PPFIBP1: variants seen among roughly 807,000 people sequenced by gnomAD.
The protein encoded by PPFIBP1 is liprin-beta-1.
Under a neutral mutation model 137.8 loss-of-function variants are expected in PPFIBP1, and 112 were observed. That is an observed-to-expected ratio of 0.81 (90% CI 0.70 to 0.95). The LOEUF (loss-of-function observed/expected upper bound fraction) is 0.95, where lower values mean the gene tolerates loss of function less well. Among genes scored for constraint, PPFIBP1 ranks in the 40% least tolerant of loss-of-function variants. The probability of loss-of-function intolerance (pLI) is 0.00; values close to 1 mark genes in which losing one functional copy is unlikely to be tolerated. For missense variants in PPFIBP1, 1,083 were observed against 1,196.6 expected (o/e 0.91, Z 1.40); for synonymous variants, 378 against 417.3 (o/e 0.91, Z 1.15).
chr12:27,603,833 G>T (rs1453711827), intron 2 of PPFIBP1, among the ~76,000 whole-genome samples: 1 of 152,164 alleles, frequency 6.6e-6, no homozygotes, highest in Non-Finnish European at 1.5e-5. Context: ...AGAGCCAACA[G>T]TTGTTCTTCT....
intron 7 of PPFIBP1, among the ~76,000 whole-genome samples, chr12:27,651,011 G>C (rs2058843559): frequency 6.6e-6 from 1 of 152,116 alleles, no homozygotes. Context: ...GGAGAGAGGA[G>C]AGAAAATGGT....
chr12:27,619,957 A>G (rs1191773739), intron 2 of PPFIBP1, among the ~76,000 whole-genome samples: 1 of 151,784 alleles, frequency 6.6e-6, no homozygotes, highest in Non-Finnish European at 1.5e-5. Flanking sequence ...ACATACATAC[A>G]TTTTATATAT....
At chr12:27,640,973 C>G (rs1281600925) in intron 4 of PPFIBP1, among the ~76,000 whole-genome samples, 1 of 152,186 alleles carries the variant, frequency 6.6e-6, no homozygotes, top group Non-Finnish European at 1.5e-5. Flanking sequence ...ATTTCATGGA[C>G]TGAGCCTTAC....
At chr12:27,655,983 C>T (rs2059172708) in intron 8 of PPFIBP1, among the ~76,000 whole-genome samples, 1 of 152,180 alleles carries the variant, frequency 6.6e-6, no homozygotes, top group Admixed American at 6.5e-5. Flanking sequence ...GACTTGAAAT[C>T]TTATACACAG....
intron 1 of PPFIBP1, among the ~76,000 whole-genome samples, chr12:27,530,145 C>T (rs898303017): frequency 6.6e-6 from 1 of 152,154 alleles, no homozygotes; most frequent in Admixed American, 6.5e-5. Flanking sequence ...CCTTTGCAAC[C>T]GTTATCTTTT....
chr12:27,635,940 G>A (rs970096602), intron 4 of PPFIBP1: 26 of 152,310 alleles, frequency 1.7e-4, no homozygotes, highest in African/African-American at 5.5e-4. Flanking sequence ...GAGATATTTT[G>A]TGCTTAAAGG....
intron 1 of PPFIBP1, among the ~76,000 whole-genome samples, chr12:27,546,327 G>C (rs778783172): frequency 1.3e-5 from 2 of 152,196 alleles, no homozygotes; most frequent in Admixed American, 6.5e-5. Flanking sequence ...CCCTCACTGG[G>C]AGGGCTTTAA....
intron 1 of PPFIBP1, among the ~76,000 whole-genome samples, chr12:27,562,914 A>G (rs749182261): frequency 4.6e-5 from 7 of 152,142 alleles, no homozygotes; most frequent in Non-Finnish European, 1.0e-4. Context: ...GCAGATTGGA[A>G]TACTTGAATC....
intron 2 of PPFIBP1, among the ~76,000 whole-genome samples, chr12:27,616,690 A>G (rs1565878248): frequency 6.6e-6 from 1 of 152,368 alleles, no homozygotes; most frequent in East Asian, 1.9e-4. Context: ...GAGATCAAGA[A>G]TAAAAGGGCG....
At chr12:27,652,817 A>G (rs563190421) in intron 7 of PPFIBP1, among the ~76,000 whole-genome samples, 7 of 152,356 alleles carry the variant, frequency 4.6e-5, no homozygotes, top group South Asian at 2.1e-4. Flanking sequence ...GATGAATATC[A>G]CTAAGGACTC....
At chr12:27,664,880 A>C (rs1227440446) in intron 12 of PPFIBP1, among the ~76,000 whole-genome samples, 1 of 152,298 alleles carries the variant, frequency 6.6e-6, no homozygotes, top group East Asian at 1.9e-4. Flanking sequence ...AGAGGGACTC[A>C]CTGAAGGGTT....
chr12:27,687,544 T>G, intron 25 of PPFIBP1, 37 bp downstream of exon 25: 1 of 1,607,922 alleles, frequency 6.2e-7, no homozygotes, highest in Non-Finnish European at 8.5e-7. Context: ...AGCATGCACT[T>G]CCCAGGCATG....
At chr12:27,661,724 AG>A (rs2059566097) in intron 11 of PPFIBP1, among the ~76,000 whole-genome samples, 1 of 152,204 alleles carries the variant, frequency 6.6e-6, no homozygotes, top group Non-Finnish European at 1.5e-5. Context: ...AACAACAAAA[AG>A]TCAAAGAACT....
intron 2 of PPFIBP1, among the ~76,000 whole-genome samples, chr12:27,581,257 TGTAA>T (rs937307480): frequency 2.0e-5 from 3 of 152,094 alleles, no homozygotes. Flanking sequence ...TGCCTAAGAG[TGTAA>T]GCAACACCCT....
At chr12:27,651,200 A>G (rs1170155683) in intron 7 of PPFIBP1, among the ~76,000 whole-genome samples, 1 of 152,172 alleles carries the variant, frequency 6.6e-6, no homozygotes, top group East Asian at 1.9e-4. Context: ...ATTCAATTAC[A>G]GTGGAAAGTC....
At chr12:27,526,849 T>A (rs1943817066) in intron 1 of PPFIBP1, among the ~76,000 whole-genome samples, 1 of 151,926 alleles carries the variant, frequency 6.6e-6, no homozygotes, top group South Asian at 2.1e-4. Flanking sequence ...AATAAATAAA[T>A]AAAATAAAAA....
chr12:27,673,921 T>A, intron 16 of PPFIBP1, 94 bp downstream of exon 16: 1 of 1,109,690 alleles, frequency 9.0e-7, no homozygotes, highest in Non-Finnish European at 1.3e-6. Flanking sequence ...AATAAAACTC[T>A]TATGAAGAGC....
intron 5 of PPFIBP1, among the ~76,000 whole-genome samples, chr12:27,647,274 T>C (rs1180634983): frequency 6.6e-6 from 1 of 152,186 alleles, no homozygotes; most frequent in Non-Finnish European, 1.5e-5. Context: ...GTGCTGGGAT[T>C]ACAGGCGTGA....
chr12:27,641,730 G>A (rs1158946127), intron 4 of PPFIBP1, among the ~76,000 whole-genome samples: 3 of 152,026 alleles, frequency 2.0e-5, no homozygotes, highest in African/African-American at 4.8e-5. Context: ...GCTCACACCC[G>A]ACCAATCAGG....
Sources: allele counts gnomAD v4.1 joint callset (sites outside exome capture counted in the v4.1 genomes callset), GRCh38; gene constraint gnomAD v4.1.1; transcripts MANE v1.5; gene names NCBI Gene and HGNC (gene_info 2026-07-23, HGNC 2026-07-21).